Variants in RCAN2 observed in about 807,000 individuals in gnomAD.
RCAN2 encodes regulator of calcineurin 2.
Under a neutral mutation model 23.6 loss-of-function variants are expected in RCAN2, and 9 were observed. The observed-to-expected ratio is 0.38, with a 90% CI of 0.23 to 0.67. The LOEUF (loss-of-function observed/expected upper bound fraction) is 0.67. Ranked by LOEUF, RCAN2 falls within the 30% of genes least tolerant of loss-of-function variation. The pLI, the probability that RCAN2 is intolerant of heterozygous loss-of-function variation, is 0.51. For missense variants in RCAN2, 273 were observed against 302.3 expected, an observed-to-expected ratio of 0.90 and a Z score of 0.72; for synonymous variants, 109 against 115.7, an observed-to-expected ratio of 0.94 and a Z score of 0.37.
At chr6:46,276,616 T>C (rs2150336255) in intron 2 of RCAN2, among the ~76,000 whole-genome samples, 1 of 152,302 alleles carries the variant, frequency 6.6e-6, no homozygotes, top group East Asian at 1.9e-4. Flanking sequence ...TCCCACAAAA[T>C]GCTACTTTGG....
intron 2 of RCAN2, among the ~76,000 whole-genome samples, chr6:46,269,060 T>C (rs1767437962): frequency 6.6e-6 from 1 of 152,242 alleles, no homozygotes; most frequent in Non-Finnish European, 1.5e-5. Flanking sequence ...ACTATTCCTA[T>C]AGAGCATTCA....
intron 2 of RCAN2, among the ~76,000 whole-genome samples, chr6:46,371,875 T>G (rs956179604): frequency 2.0e-5 from 3 of 152,232 alleles, no homozygotes; most frequent in African/African-American, 7.2e-5. Flanking sequence ...TTCCTCTTTT[T>G]ATAACCACAG....
intron 2 of RCAN2, among the ~76,000 whole-genome samples, chr6:46,378,744 C>T (rs1765546590): frequency 6.6e-6 from 1 of 152,182 alleles, no homozygotes; most frequent in Non-Finnish European, 1.5e-5. Context: ...TAAACAGATA[C>T]TCTAGAGTAT....
Position 46,223,343 on chromosome 6 carries a change from T to G in RCAN2, c.572-42A>C, listed in dbSNP as rs1255816820. ...ATGGAAGTGAGAAAGAGGGGGGGAT[T>G]TCAAAAGAGATCCTGGAGCAGGGTC... On this transcript the variant is annotated intron_variant, in intron 4 of 4. Coordinates refer to ENST00000371374, the MANE Select transcript of RCAN2 (RefSeq NM_001251974.2). 19 of 1,578,274 alleles carry G rather than the reference T, an allele frequency of 1.2e-5. No homozygotes were observed. In the Admixed American group the frequency reaches 3.2e-4, roughly 27 times the overall value.
chr6:46,365,178 A>G (rs1765132367), intron 2 of RCAN2, among the ~76,000 whole-genome samples: 1 of 152,152 alleles, frequency 6.6e-6, no homozygotes, highest in Admixed American at 6.5e-5. Context: ...CCCCATCTGT[A>G]GAAAAATTGT....
chr6:46,445,992 A>G (rs757288431), intron 2 of RCAN2, among the ~76,000 whole-genome samples: 17 of 152,176 alleles, frequency 1.1e-4, no homozygotes, highest in Non-Finnish European at 2.4e-4. Flanking sequence ...ATAAAGGGCC[A>G]GGAAATTCAG....
At chr6:46,265,942 A>G (rs1474388745) in intron 2 of RCAN2, among the ~76,000 whole-genome samples, 1 of 152,206 alleles carries the variant, frequency 6.6e-6, no homozygotes, top group Non-Finnish European at 1.5e-5. Flanking sequence ...AATAATAATC[A>G]TCACTAACAC....
In RCAN2 at chr6:46,424,563, T is replaced by C. The variant is rs1766982733; in HGVS notation, c.225+32189A>G. Among the ~76,000 whole-genome samples, 4 of 152,054 alleles carry C rather than the reference T, an allele frequency of 2.6e-5. No individual in the cohort carries two copies. In the South Asian group the frequency reaches 6.2e-4, roughly 24 times the overall value. ...CACCTATCCCTAGAATGCACTGTTG[T>C]TTTCTTCCAAATGAGTTGACCCCTC... On this transcript the variant is annotated intron_variant, in intron 2 of 4. Coordinates refer to ENST00000371374, the MANE Select transcript of RCAN2 (RefSeq NM_001251974.2).
intron 2 of RCAN2, among the ~76,000 whole-genome samples, chr6:46,425,564 A>T (rs953243278): frequency 6.6e-6 from 1 of 152,254 alleles, no homozygotes; most frequent in Non-Finnish European, 1.5e-5. Flanking sequence ...TTTTAAAAAA[A>T]GATATTTTAA....
At chr6:46,474,633 C>G (rs142807154) in intron 1 of RCAN2, among the ~76,000 whole-genome samples, 145 of 152,224 alleles carry the variant, frequency 9.5e-4, no homozygotes, top group Non-Finnish European at 1.7e-3. Flanking sequence ...TTAGGAAAAA[C>G]CTCCTCACAA....
intron 1 of RCAN2, among the ~76,000 whole-genome samples, chr6:46,484,372 G>A (rs773057057): frequency 7.2e-5 from 11 of 152,230 alleles, no homozygotes; most frequent in Admixed American, 5.2e-4. Context: ...TTTTCTCTGC[G>A]TCGTGTCTCA....
chr6:46,270,711 C>G (rs1767493941), intron 2 of RCAN2, among the ~76,000 whole-genome samples: 1 of 152,194 alleles, frequency 6.6e-6, no homozygotes, highest in Non-Finnish European at 1.5e-5. Context: ...TCGTTTTATT[C>G]TCTCTGGCTC....
At chr6:46,398,126 T>C (rs1456338916) in intron 2 of RCAN2, among the ~76,000 whole-genome samples, 2 of 152,180 alleles carry the variant, frequency 1.3e-5, no homozygotes. Flanking sequence ...TCTCATGTTT[T>C]GCTAAGTGAA....
intron 2 of RCAN2, among the ~76,000 whole-genome samples, chr6:46,331,098 G>A (rs1218637796): frequency 2.0e-5 from 3 of 152,202 alleles, no homozygotes; most frequent in Non-Finnish European, 4.4e-5. Context: ...CTTCCATTAA[G>A]AGGAACTACT....
intron 2 of RCAN2, among the ~76,000 whole-genome samples, chr6:46,440,021 G>T (rs1484911281): frequency 6.6e-6 from 1 of 152,128 alleles, no homozygotes; most frequent in African/African-American, 2.4e-5. Context: ...TCAACAAAAA[G>T]TAATCTATTT....
At chr6:46,455,556 T>A (rs867751100) in intron 2 of RCAN2, among the ~76,000 whole-genome samples, 1 of 151,500 alleles carries the variant, frequency 6.6e-6, no homozygotes, top group African/African-American at 2.4e-5. Context: ...ATACTTTAGT[T>A]TAGAAAAAAA....
intron 4 of RCAN2, among the ~76,000 whole-genome samples, chr6:46,227,138 C>T (rs1028940245): frequency 2.0e-5 from 3 of 152,104 alleles, no homozygotes; most frequent in Non-Finnish European, 4.4e-5. Flanking sequence ...GGATGAAGCC[C>T]ACTTGATCAT....
rs529388476 is a variant in RCAN2 at position 46,314,347 on chromosome 6, G to A, written c.226-65451C>T. 1.2e-3 allele frequency among the ~76,000 whole-genome samples: 157 copies of A among 135,392 alleles called. 1 individual carries two copies. The highest frequency in any genetic ancestry group is 4.2e-3 in the African/African-American group (147 of 35,412). The allele number at this position is 135,392 out of a possible 152,430, so 88.8% of individuals were successfully genotyped here. On this transcript the variant is annotated intron_variant, in intron 2 of 4. Transcript: ENST00000371374. ...ACTGCACTAAAGCCTGGGCAACAGA[G>A]TGAGACTCTGTCAAAAAAAAAAAAA...
intron 2 of RCAN2, among the ~76,000 whole-genome samples, chr6:46,337,685 G>A (rs1239839411): frequency 6.6e-6 from 1 of 152,174 alleles, no homozygotes; most frequent in Non-Finnish European, 1.5e-5. Flanking sequence ...TCCATAGCTT[G>A]ATTTTGGTTC....
Sources: gnomAD v4.1 joint callset for allele counts (sites outside exome capture counted in the v4.1 genomes callset) on GRCh38, gnomAD v4.1.1 for gene constraint, MANE v1.5 for transcripts, NCBI Gene and HGNC (gene_info 2026-07-23, HGNC 2026-07-21) for gene names.